Variants in KCNN2 observed in about 807,000 individuals in gnomAD.
KCNN2 encodes potassium calcium-activated channel subfamily N member 2, also known as small conductance calcium-activated potassium channel protein 2.
A neutral mutation model predicts 55.5 loss-of-function variants in KCNN2; 24 were observed. The ratio of observed to expected loss-of-function variants is 0.43; its 90% CI spans 0.31 to 0.61. The LOEUF is 0.61. KCNN2 is among the 20% of genes least tolerant of loss of function. KCNN2 has a pLI of 0.08. For missense variants in KCNN2, 754 were observed against 853.6 expected (o/e 0.88, Z 1.45); for synonymous variants, 431 against 336.1 (o/e 1.28, Z -3.09).
chr5:114,319,828 C>A (rs1756578496), intron 2 of KCNN2, among the ~76,000 whole-genome samples: 2 of 152,202 alleles, frequency 1.3e-5, no homozygotes, highest in South Asian at 4.1e-4. Flanking sequence ...CCATCACATG[C>A]TGTCTCATTC....
At chr5:114,110,517 A>G (rs34252898) in intron 1 of KCNN2, among the ~76,000 whole-genome samples, 25,460 of 152,006 alleles carry the variant, frequency 0.17, 2,224 homozygotes, top group Middle Eastern at 0.22. Context: ...ATCCAAAAAT[A>G]TTGTAGAATT....
At position 114,081,437 on chromosome 5, in the gene KCNN2, A is replaced by T. The variant is rs146584258; in HGVS notation, c.-271+24937A>T. Among the ~76,000 whole-genome samples the T allele has an allele frequency of 2.0e-3, 301 of 152,324 alleles. 1 individual carries two copies. The highest frequency in any genetic ancestry group is 6.9e-3 in the African/African-American group (285 of 41,570). ...AACAGTGTAGTACTGGCATACAGACATACAGACCAATGGAATAGAATAGAG... is the reference window on the plus strand; with the variant it reads ...AACAGTGTAGTACTGGCATACAGACTTACAGACCAATGGAATAGAATAGAG... On this transcript the variant is annotated intron_variant, in intron 1 of 10. Transcript: ENST00000512097.
intron 1 of KCNN2, among the ~76,000 whole-genome samples, chr5:114,170,015 T>C (rs909829164): frequency 1.3e-5 from 2 of 152,088 alleles, no homozygotes; most frequent in Non-Finnish European, 2.9e-5. Flanking sequence ...AATGGAAAGA[T>C]GATTCTTCTT....
intron 2 of KCNN2, among the ~76,000 whole-genome samples, chr5:114,379,466 CAT>C (rs1335807190): frequency 5.1e-5 from 6 of 118,394 alleles, no homozygotes; most frequent in Non-Finnish European, 7.5e-5. Flanking sequence ...TATTATATAA[CAT>C]ATTATATATT....
intron 5 of KCNN2, among the ~76,000 whole-genome samples, chr5:114,482,792 T>G (rs561520765): frequency 1.6e-3 from 237 of 152,198 alleles, no homozygotes; most frequent in Non-Finnish European, 2.4e-3. Flanking sequence ...AATCAAACAC[T>G]ACATGTTCTG....
intron 1 of KCNN2, among the ~76,000 whole-genome samples, chr5:114,089,721 C>A (rs1751096422): frequency 6.6e-6 from 1 of 152,026 alleles, no homozygotes; most frequent in African/African-American, 2.4e-5. Flanking sequence ...TGCTTTAGAC[C>A]AAAAGCTGAG....
At chr5:114,198,992 T>G (rs1753615102) in intron 1 of KCNN2, among the ~76,000 whole-genome samples, 1 of 152,140 alleles carries the variant, frequency 6.6e-6, no homozygotes, top group Admixed American at 6.5e-5. Context: ...GTTAATTTTT[T>G]GTCTTGATGA....
chr5:114,243,944 G>C (rs1241385962), intron 2 of KCNN2, among the ~76,000 whole-genome samples: 2 of 152,172 alleles, frequency 1.3e-5, no homozygotes, highest in Admixed American at 6.5e-5. Flanking sequence ...ACTGCGGATT[G>C]CAAGTACTGG....
intron 7 of KCNN2, among the ~76,000 whole-genome samples, chr5:114,494,265 T>TG (rs1748004636): frequency 6.6e-6 from 1 of 151,100 alleles, no homozygotes; most frequent in African/African-American, 2.4e-5. Context: ...AACTGTTTTT[T>TG]TTTGTTTGAT....
intron 3 of KCNN2, among the ~76,000 whole-genome samples, chr5:114,417,543 T>C (rs1759342944): frequency 6.6e-6 from 1 of 152,190 alleles, no homozygotes; most frequent in South Asian, 2.1e-4. Context: ...GACTATATCA[T>C]CTAGATCTCT....
intron 2 of KCNN2, among the ~76,000 whole-genome samples, chr5:114,232,455 C>T (rs1398197912): frequency 6.6e-6 from 1 of 150,924 alleles, no homozygotes; most frequent in African/African-American, 2.5e-5. Flanking sequence ...TTAAGGTTTG[C>T]GTTTTGCCTT....
intron 2 of KCNN2, among the ~76,000 whole-genome samples, chr5:114,298,281 G>T (rs1350070263): frequency 6.6e-6 from 1 of 152,210 alleles, no homozygotes; most frequent in East Asian, 1.9e-4. Context: ...TCAGTTGGAG[G>T]ACCAAGCTTC....
At position 114,405,677 on chromosome 5, in the gene KCNN2, A is replaced by C. The variant is rs79197325; in HGVS notation, c.1637+821A>C. Among the ~76,000 whole-genome samples the C allele has an allele frequency of 2.8e-3, 422 of 151,740 alleles. 2 individuals carry two copies. The highest frequency in any genetic ancestry group is 4.6e-3 in the Non-Finnish European group (309 of 67,908). ...ATTTCTAGGAGTGTTGAAAGTTCAGATGTTAGTCTTTGTAGTTTTTTTTGT... is the reference window on the plus strand; with the variant it reads ...ATTTCTAGGAGTGTTGAAAGTTCAGCTGTTAGTCTTTGTAGTTTTTTTTGT... On this transcript the variant is annotated intron_variant, in intron 3 of 7. Coordinates refer to ENST00000673685, the MANE Select transcript of KCNN2 (RefSeq NM_021614.4).
At chr5:114,136,585 A>T (rs1012669445) in intron 1 of KCNN2, among the ~76,000 whole-genome samples, 14 of 152,234 alleles carry the variant, frequency 9.2e-5, no homozygotes, top group Non-Finnish European at 1.6e-4. Context: ...TAAGAAACTA[A>T]TATTTTTCTT....
rs369167442 is a variant in KCNN2 at position 114,153,491 on chromosome 5, CA to C, written c.-270-67980del. Reference sequence around the variant, plus strand: ...TCACAGATACCTCCCTGGTCAGAGACAAAAAAAAACTGTATCACTTACAGCA... The same window carrying C: ...TCACAGATACCTCCCTGGTCAGAGACAAAAAAAACTGTATCACTTACAGCA... On this transcript the variant is annotated intron_variant, in intron 1 of 10. Transcript: ENST00000512097. 3.4e-3 allele frequency among the ~76,000 whole-genome samples: 512 copies of C among 150,554 alleles called. 6 individuals are homozygous for C. The highest frequency in any genetic ancestry group is 0.012 in the African/African-American group (486 of 41,110).
intron 1 of KCNN2, among the ~76,000 whole-genome samples, chr5:114,092,182 C>T (rs890879609): frequency 6.6e-6 from 1 of 152,164 alleles, no homozygotes; most frequent in Non-Finnish European, 1.5e-5. Context: ...GGTAAATGCT[C>T]CTGTTTCAGA....
intron 1 of KCNN2, among the ~76,000 whole-genome samples, chr5:114,155,828 G>A (rs1752621728): frequency 6.6e-6 from 1 of 152,154 alleles, no homozygotes; most frequent in Non-Finnish European, 1.5e-5. Flanking sequence ...CATCCTGTAG[G>A]TTGTCTGTTC....
At chr5:114,098,639 C>T (rs910718556) in intron 1 of KCNN2, among the ~76,000 whole-genome samples, 2 of 151,914 alleles carry the variant, frequency 1.3e-5, no homozygotes, top group Non-Finnish European at 2.9e-5. Flanking sequence ...AAAATTGTCT[C>T]CCACGAAACT....
chr5:114,277,290 T>C (rs1755511645), intron 2 of KCNN2, among the ~76,000 whole-genome samples: 1 of 152,316 alleles, frequency 6.6e-6, no homozygotes, highest in East Asian at 1.9e-4. Flanking sequence ...CATTTCAACC[T>C]TGGTGAATCT....
Sources: gnomAD v4.1 joint callset for allele counts (sites outside exome capture counted in the v4.1 genomes callset) on GRCh38, gnomAD v4.1.1 for gene constraint, MANE v1.5 for transcripts, NCBI Gene and HGNC (gene_info 2026-07-23, HGNC 2026-07-21) for gene names.